Variants in PTPA observed in about 807,000 individuals in gnomAD.
PTPA encodes serine/threonine-protein phosphatase 2A activator.
PTPA carries 13 observed loss-of-function variants against 43.6 expected under a neutral mutation model. The observed-to-expected ratio is 0.30, with a 90% CI of 0.19 to 0.47. The LOEUF (loss-of-function observed/expected upper bound fraction) is 0.47. Among genes scored for constraint, PTPA ranks in the 20% least tolerant of loss-of-function variants. The pLI, the probability that PTPA is intolerant of heterozygous loss-of-function variation, is 0.99. For synonymous variants in PTPA, 172 were observed against 158.2 expected, an observed-to-expected ratio of 1.09 and a Z score of -0.66; for missense variants, 329 against 411.9, an observed-to-expected ratio of 0.80 and a Z score of 1.74.
At chr9:129,119,029 C>T (rs567909086) in intron 1 of PTPA, 35 of 165,934 alleles carry the variant, frequency 2.1e-4, no homozygotes, top group African/African-American at 5.0e-4. Context: ...GACAGAGTCT[C>T]GTTCTGTTGT....
chr9:129,127,406 A>G (rs1849650931), intron 3 of PTPA, among the ~76,000 whole-genome samples: 1 of 152,194 alleles, frequency 6.6e-6, no homozygotes, highest in South Asian at 2.1e-4. Flanking sequence ...TCACCCTGCT[A>G]GTTCTTACCC....
intron 3 of PTPA, among the ~76,000 whole-genome samples, chr9:129,124,876 C>T (rs541568913): frequency 4.8e-4 from 73 of 152,344 alleles, no homozygotes; most frequent in African/African-American, 1.7e-3. Flanking sequence ...CCCTCATACC[C>T]GGCCCCTGGC....
chr9:129,143,397 T>C (rs1851043341), intron 9 of PTPA: 2 of 702,976 alleles, frequency 2.8e-6, no homozygotes, highest in Non-Finnish European at 5.2e-6. Flanking sequence ...GACTAGTTCA[T>C]GGCCTCAGAC....
intron 8 of PTPA, among the ~76,000 whole-genome samples, chr9:129,141,283 A>C (rs1042862361): frequency 6.6e-6 from 1 of 152,024 alleles, no homozygotes; most frequent in African/African-American, 2.4e-5. Flanking sequence ...TCTTGTGGTG[A>C]ACTGATGCCC....
At chr9:129,142,252 C>G (rs1850914917) in intron 8 of PTPA, 193 bp from the exon 9 acceptor site, 5 of 479,986 alleles carry the variant, frequency 1.0e-5, no homozygotes, top group Non-Finnish European at 1.8e-5. Context: ...CTGGCACTTG[C>G]ATGTGCCTGT....
chr9:129,119,815 A>G (rs1849132290), intron 1 of PTPA: 2 of 152,094 alleles, frequency 1.3e-5, no homozygotes, highest in Admixed American at 1.3e-4. Context: ...GGGCATGGTT[A>G]TTGAAGGGAT....
Position 129,143,793 on chromosome 9 carries a change from C to A in PTPA, c.894+1241C>A, listed in dbSNP as rs534786706. The A allele has an allele frequency of 2.5e-4, 56 of 221,436 alleles. No homozygotes were observed. The South Asian group carries it at 3.7e-3, about 15-fold the overall frequency. 13.7% of individuals were successfully genotyped at this position (221,436 alleles called of 1,614,324 possible). On this transcript the variant is annotated intron_variant, in intron 9 of 9. Transcript: ENST00000393370. ...GTTCCTTCCGGCTGCAGCTGGCCAC[C>A]CCCGGCTCTCCACTCCGACTCTGCC...
intron 3 of PTPA, 69 bp from the exon 4 acceptor site, chr9:129,128,916 G>T: frequency 6.3e-7 from 1 of 1,592,928 alleles, no homozygotes; most frequent in South Asian, 1.1e-5. Flanking sequence ...GGCAGCAGTG[G>T]ACTTCCCTCT....
At chr9:129,118,107 G>A (rs140097108) in intron 1 of PTPA, among the ~76,000 whole-genome samples, 32 of 148,556 alleles carry the variant, frequency 2.2e-4, no homozygotes, top group African/African-American at 6.7e-4. Context: ...GAGCTGGAGC[G>A]CAATGGCACG....
At chr9:129,140,983 C>G (rs1259892142) in intron 8 of PTPA, among the ~76,000 whole-genome samples, 1 of 152,018 alleles carries the variant, frequency 6.6e-6, no homozygotes. Context: ...CCAGAGTGGG[C>G]TTTGTCTCTG....
intron 1 of PTPA, among the ~76,000 whole-genome samples, chr9:129,113,828 T>C (rs1036732590): frequency 6.6e-6 from 1 of 151,944 alleles, no homozygotes; most frequent in Non-Finnish European, 1.5e-5. Flanking sequence ...ATAGGAGATA[T>C]AAGGCAACCA....
intron 6 of PTPA, 26 bp downstream of exon 6, chr9:129,134,920 AG>A (rs1331831079): frequency 1.3e-6 from 2 of 1,594,560 alleles, no homozygotes; most frequent in Non-Finnish European, 1.7e-6. Flanking sequence ...GGAGGGTTGG[AG>A]GAGGGGGCGT....
upstream of PTPA, chr9:129,111,351 T>G: frequency 6.9e-6 from 8 of 1,156,022 alleles, no homozygotes; most frequent in Non-Finnish European, 6.4e-6. Flanking sequence ...GACATGGCCG[T>G]CGCCCGGTTC....
Position 129,147,595 on chromosome 9 carries a change from G to C in PTPA, c.*131G>C, listed in dbSNP as rs1851388929. 2 of 997,382 alleles carry C rather than the reference G, an allele frequency of 2.0e-6. No individual in the cohort carries two copies. The highest frequency in any genetic ancestry group is 2.6e-5 in the East Asian group (1 of 37,900). 61.8% of individuals were successfully genotyped at this position (997,382 alleles called of 1,614,324 possible). A position where few individuals can be genotyped will look rare whatever the true frequency, so the allele number is the denominator to read the frequency against. On this transcript the variant is annotated 3_prime_UTR_variant, in exon 10 of 10. Coordinates refer to ENST00000393370, the MANE Select transcript of PTPA (RefSeq NM_178000.3). ...GAGAGGCTGTTTACTGGGGTGGGGT[G>C]GCGAGATGGGCTTGAGGGGGCTCAG...
chr9:129,146,143 C>T (rs1220107122), intron 9 of PTPA, among the ~76,000 whole-genome samples: 1 of 152,122 alleles, frequency 6.6e-6, no homozygotes, highest in Non-Finnish European at 1.5e-5. Context: ...TCTGGGATGA[C>T]ATAAGCACCA....
At chr9:129,127,694 T>A (rs1294608236) in intron 3 of PTPA, among the ~76,000 whole-genome samples, 1 of 152,198 alleles carries the variant, frequency 6.6e-6, no homozygotes, top group African/African-American at 2.4e-5. Context: ...CGATTCTACT[T>A]CTTGGTCCCT....
chr9:129,145,983 T>C (rs550726439), intron 9 of PTPA, among the ~76,000 whole-genome samples: 1 of 152,208 alleles, frequency 6.6e-6, no homozygotes, highest in Non-Finnish European at 1.5e-5. Context: ...GGGGGCTGGC[T>C]CTGGGGTCCT....
chr9:129,143,062 A>T (rs1851010036), intron 9 of PTPA: 1 of 761,656 alleles, frequency 1.3e-6, no homozygotes, highest in Non-Finnish European at 2.1e-6. Context: ...ATTTTGATGC[A>T]AATGGTTTTC....
chr9:129,144,053 C>G (rs117036805), intron 9 of PTPA, among the ~76,000 whole-genome samples: 183 of 151,772 alleles, frequency 1.2e-3, no homozygotes, highest in Non-Finnish European at 2.3e-3. Flanking sequence ...CTACAAGCCT[C>G]TTAATTCAAG....
Sources: allele counts gnomAD v4.1 joint callset (sites outside exome capture counted in the v4.1 genomes callset), GRCh38; gene constraint gnomAD v4.1.1; transcripts MANE v1.5; gene names NCBI Gene and HGNC (gene_info 2026-07-23, HGNC 2026-07-21).